ACSL6: variants seen among roughly 807,000 people sequenced by gnomAD.
ACSL6 encodes long-chain-fatty-acid--CoA ligase 6.
Under a neutral mutation model 98.2 loss-of-function variants are expected in ACSL6, and 47 were observed. The ratio of observed to expected loss-of-function variants is 0.48; its 90% CI spans 0.38 to 0.61. ACSL6 has a LOEUF of 0.61. ACSL6 is among the 20% of genes least tolerant of loss of function. The pLI is 0.00. For missense variants in ACSL6, 761 were observed against 913.4 expected (o/e 0.83, Z 2.15); for synonymous variants, 362 against 336.9 (o/e 1.07, Z -0.82).
At chr5:131,984,136 C>T (rs575162063) in intron 9 of ACSL6, 1 of 152,360 alleles carries the variant, frequency 6.6e-6, no homozygotes, top group South Asian at 2.1e-4. Flanking sequence ...ATGTCAGCTC[C>T]TGGAGAGGAA....
At chr5:131,959,032 G>GA (rs768061567) in intron 20 of ACSL6, among the ~76,000 whole-genome samples, 121 of 143,434 alleles carry the variant, frequency 8.4e-4, no homozygotes, top group East Asian at 2.8e-3. Context: ...CAACCTTGCA[G>GA]AAAAAAAAAA....
At chr5:131,970,471 G>A (rs973225513) in intron 14 of ACSL6, among the ~76,000 whole-genome samples, 55 of 151,028 alleles carry the variant, frequency 3.6e-4, no homozygotes, top group Non-Finnish European at 4.4e-4. Flanking sequence ...GTGCAATGGC[G>A]TGATCTCCAC....
chr5:131,968,723 C>A (rs1217131034), intron 15 of ACSL6, among the ~76,000 whole-genome samples: 1 of 152,164 alleles, frequency 6.6e-6, no homozygotes, highest in Admixed American at 6.5e-5. Context: ...TTAGATAATT[C>A]ACTGGCAAGT....
At chr5:132,000,280 C>T (rs957683708) in intron 1 of ACSL6, among the ~76,000 whole-genome samples, 1 of 152,152 alleles carries the variant, frequency 6.6e-6, no homozygotes, top group African/African-American at 2.4e-5. Context: ...AAGATAGTGG[C>T]TGATCTCCAC....
chr5:132,008,763 A>T (rs1262238973), intron 1 of ACSL6, among the ~76,000 whole-genome samples: 4 of 152,176 alleles, frequency 2.6e-5, no homozygotes, highest in Admixed American at 2.0e-4. Context: ...AATTCCCCTG[A>T]ATGCTGCAGA....
rs1461771699 is a variant in ACSL6, at chr5:131,951,269, T to A, written c.*2965A>T. On this transcript the variant is annotated 3_prime_UTR_variant, in exon 21 of 21. Coordinates refer to ENST00000651883, the MANE Select transcript of ACSL6 (RefSeq NM_001009185.3). ...TATGAATGTGACCATCGTAAGTACA[T>A]CACCTTTTTCTATCTCTGTTAATGA... The A allele has an allele frequency of 4.8e-6, 1 of 210,264 alleles. No homozygotes were observed. Among genetic ancestry groups the A allele is most frequent in the African/African-American group, 2.3e-5 (1 of 44,054 alleles). The allele number at this position is 210,264 out of a possible 1,614,324, so 13.0% of individuals were successfully genotyped here.
At chr5:131,966,739 TC>T (rs540272402) in intron 16 of ACSL6, among the ~76,000 whole-genome samples, 3 of 152,092 alleles carry the variant, frequency 2.0e-5, no homozygotes, top group Non-Finnish European at 2.9e-5. Flanking sequence ...TCCCCATCTT[TC>T]CCCCCTGCCC....
intron 7 of ACSL6, among the ~76,000 whole-genome samples, chr5:131,987,281 G>A (rs988866314): frequency 6.6e-6 from 1 of 152,308 alleles, no homozygotes; most frequent in Non-Finnish European, 1.5e-5. Flanking sequence ...GAGCATGTTG[G>A]GTTTAAAGTG....
At chr5:132,002,727 A>G (rs1001834783) in intron 1 of ACSL6, among the ~76,000 whole-genome samples, 8 of 152,174 alleles carry the variant, frequency 5.3e-5, no homozygotes, top group African/African-American at 1.9e-4. Context: ...TGGGTTGGTA[A>G]GTCACAGGAA....
At chr5:131,967,420 T>C (rs1186502664) in intron 16 of ACSL6, among the ~76,000 whole-genome samples, 7 of 151,988 alleles carry the variant, frequency 4.6e-5, no homozygotes, top group Non-Finnish European at 8.8e-5. Context: ...TCCCAGCACT[T>C]TGGGAGGCCG....
At chr5:131,977,874 AAG>A (rs368358122) in intron 9 of ACSL6, among the ~76,000 whole-genome samples, 45 of 149,496 alleles carry the variant, frequency 3.0e-4, no homozygotes, top group Non-Finnish European at 3.3e-4. Flanking sequence ...TGGGGAGAGA[AAG>A]AGAGAGAGAG....
intron 17 of ACSL6, 145 bp from the exon 18 acceptor site, chr5:131,962,823 A>G: frequency 1.1e-6 from 1 of 932,720 alleles, no homozygotes; most frequent in South Asian, 1.7e-5. Flanking sequence ...GCTCTTAGGG[A>G]GCTGCAGGGC....
chr5:131,989,421 G>T lies in ACSL6; in HGVS notation c.538C>A (p.Gln180Lys). 6.2e-7 allele frequency: 1 copy of T among 1,613,842 alleles called. No homozygotes were observed. The highest frequency in any genetic ancestry group is 8.5e-7 in the Non-Finnish European group (1 of 1,179,912). ...CTDQFIGVFA[Q>K]NRPEWIIVEL... ...TAGATGCTCACCTCTGGCCGATTTT[G>T]TGCAAAAACACCAATAAACTGATCA... Residue 180 changes from glutamine to lysine, a missense_variant, in exon 5 of 21, where the codon CAA becomes AAA. Gln to Lys is a moderately conservative substitution (Grantham distance 53, BLOSUM62 1). Coordinates refer to ENST00000651883, the MANE Select transcript of ACSL6 (RefSeq NM_001009185.3).
chr5:131,963,488 T>C (rs1752844925), intron 17 of ACSL6, among the ~76,000 whole-genome samples: 2 of 152,184 alleles, frequency 1.3e-5, no homozygotes, highest in African/African-American at 2.4e-5. Context: ...CAAATACCCT[T>C]GGAATGCTTC....
At position 131,950,942 on chromosome 5, in the gene ACSL6, G is replaced by A. The variant is rs1213391867; in HGVS notation, c.*3292C>T. The A allele has an allele frequency of 5.2e-6, 1 of 191,924 alleles. No individual in the cohort carries two copies. Among genetic ancestry groups the A allele is most frequent in the Non-Finnish European group, 1.1e-5 (1 of 91,788 alleles). The allele number at this position is 191,924 out of a possible 1,614,324, so 11.9% of individuals were successfully genotyped here. A position where few individuals can be genotyped will look rare whatever the true frequency, so the allele number is the denominator to read the frequency against. On this transcript the variant is annotated 3_prime_UTR_variant, in exon 21 of 21. Transcript: ENST00000651883. ...AGGAGACATAAAATGTTTAATCCTT[G>A]GATTTCTGAGTTTATGAGTTCCTAA... is the stretch of plus-strand genomic sequence containing the variant.
At chr5:131,964,724 C>T (rs1198671265) in intron 17 of ACSL6, among the ~76,000 whole-genome samples, 1 of 152,220 alleles carries the variant, frequency 6.6e-6, no homozygotes, top group Non-Finnish European at 1.5e-5. Flanking sequence ...CAGGACAATC[C>T]ACCTTCTGCA....
chr5:131,975,648 T>G (rs1265957630), intron 10 of ACSL6: 2 of 985,112 alleles, frequency 2.0e-6, no homozygotes, highest in Non-Finnish European at 2.4e-6. Flanking sequence ...CAGGGAGCCC[T>G]GCTGTGCCCC....
intron 13 of ACSL6, among the ~76,000 whole-genome samples, chr5:131,972,042 C>A (rs550044376): frequency 6.6e-6 from 1 of 152,280 alleles, no homozygotes; most frequent in East Asian, 1.9e-4. Flanking sequence ...AATGGCATTG[C>A]CTTTTTTCAT....
intron 4 of ACSL6, among the ~76,000 whole-genome samples, 165 bp downstream of exon 4, chr5:131,989,935 C>T (rs934316059): frequency 2.6e-5 from 4 of 152,206 alleles, no homozygotes; most frequent in African/African-American, 7.2e-5. Flanking sequence ...ACTTCCAACC[C>T]GGGTATGCTG....
Sources: gnomAD v4.1 joint callset for allele counts (sites outside exome capture counted in the v4.1 genomes callset) on GRCh38, gnomAD v4.1.1 for gene constraint, MANE v1.5 for transcripts, NCBI Gene and HGNC (gene_info 2026-07-23, HGNC 2026-07-21) for gene names.